KCTD1: variants seen among roughly 807,000 people sequenced by gnomAD.
KCTD1 encodes the protein BTB/POZ domain-containing protein KCTD1.
Under a neutral mutation model 66.0 loss-of-function variants are expected in KCTD1, and 24 were observed. That is an observed-to-expected ratio of 0.36 (90% CI 0.26 to 0.51). The LOEUF (loss-of-function observed/expected upper bound fraction) is 0.51. KCTD1 is among the 20% of genes least tolerant of loss of function. The pLI is 0.95. For synonymous variants in KCTD1, 511 were observed against 517.2 expected, an observed-to-expected ratio of 0.99 and a Z score of 0.16; for missense variants, 943 against 1,205.2, an observed-to-expected ratio of 0.78 and a Z score of 3.22.
At chr18:26,485,736 G>A (rs190788231) in intron 2 of KCTD1, among the ~76,000 whole-genome samples, 166 of 151,882 alleles carry the variant, frequency 1.1e-3, no homozygotes, top group African/African-American at 3.8e-3. Context: ...CACAGCCCAC[G>A]CCCACCCTCC....
chr18:26,519,806 A>G (rs1983827034), intron 1 of KCTD1, among the ~76,000 whole-genome samples: 1 of 152,258 alleles, frequency 6.6e-6, no homozygotes. Context: ...AGAAATTAGC[A>G]TATTTGAAAT....
chr18:26,656,289 C>A (rs1181675805), intron 1 of KCTD1, among the ~76,000 whole-genome samples: 9 of 152,188 alleles, frequency 5.9e-5, no homozygotes, highest in Non-Finnish European at 1.3e-4. Flanking sequence ...TTACCTGCAG[C>A]GCTCGCATCC....
Position 26,557,700 on chromosome 18 carries a change from C to T in KCTD1, c.-15-56450G>A, listed in dbSNP as rs189556616. Among the ~76,000 whole-genome samples the T allele has an allele frequency of 1.1e-4, 17 of 152,156 alleles. No homozygotes were observed. The East Asian group carries it at 2.5e-3, about 22-fold the overall frequency. ...ACATTAAGCAATAAAATAATTTCCT[C>T]TCTAGCAATCATTCTGGGGCGGTGA... is the stretch of plus-strand genomic sequence containing the variant. On this transcript the variant is annotated intron_variant, in intron 1 of 4. Coordinates refer to the KCTD1 transcript ENST00000317932.
At chr18:26,512,556 G>A (rs1983391349) in intron 1 of KCTD1, among the ~76,000 whole-genome samples, 1 of 152,158 alleles carries the variant, frequency 6.6e-6, no homozygotes, top group Non-Finnish European at 1.5e-5. Context: ...TTTAGAAAAT[G>A]TTGGCTGGTT....
chr18:26,576,971 A>C (rs1007542996), intron 1 of KCTD1, among the ~76,000 whole-genome samples: 5 of 152,200 alleles, frequency 3.3e-5, no homozygotes, highest in Non-Finnish European at 7.3e-5. Flanking sequence ...GCCTAGTTTT[A>C]GTACTTTTGG....
At chr18:26,529,125 C>T (rs1039862597) in intron 1 of KCTD1, among the ~76,000 whole-genome samples, 12 of 152,146 alleles carry the variant, frequency 7.9e-5, no homozygotes, top group Non-Finnish European at 1.3e-4. Flanking sequence ...GCCTCTTGTA[C>T]TCCCCTGCAG....
chr18:26,473,917 G>C (rs1981209251), intron 3 of KCTD1, among the ~76,000 whole-genome samples: 1 of 152,292 alleles, frequency 6.6e-6, no homozygotes, highest in South Asian at 2.1e-4. Context: ...ATGTGCACAT[G>C]ATGCAACTCC....
chr18:26,486,228 C>T (rs1288290569), intron 2 of KCTD1, among the ~76,000 whole-genome samples: 1 of 152,198 alleles, frequency 6.6e-6, no homozygotes, highest in Non-Finnish European at 1.5e-5. Context: ...AATCTTATTG[C>T]AGCTCTATAA....
chr18:26,627,280 G>C (rs1376983545), intron 1 of KCTD1, among the ~76,000 whole-genome samples: 1 of 151,408 alleles, frequency 6.6e-6, no homozygotes, highest in African/African-American at 2.4e-5. Context: ...GTGTGTGTGT[G>C]TGTGTGTGTG....
intron 2 of KCTD1, among the ~76,000 whole-genome samples, chr18:26,496,610 A>C (rs1598897006): frequency 6.6e-6 from 1 of 152,276 alleles, no homozygotes; most frequent in African/African-American, 2.4e-5. Context: ...TGAAAACTTT[A>C]GTCCCTTTAG....
intron 1 of KCTD1, among the ~76,000 whole-genome samples, chr18:26,538,389 A>G (rs1472127788): frequency 6.6e-6 from 1 of 152,124 alleles, no homozygotes; most frequent in Admixed American, 6.5e-5. Context: ...ATCCACACGG[A>G]TGGGCTTTTT....
chr18:26,606,715 T>A (rs970114865), intron 1 of KCTD1, among the ~76,000 whole-genome samples: 17 of 152,188 alleles, frequency 1.1e-4, no homozygotes, highest in Non-Finnish European at 2.1e-4. Flanking sequence ...CTGGCCGACC[T>A]CAGCTCTGTA....
At chr18:26,595,700 C>A (rs1986750267) in intron 1 of KCTD1, among the ~76,000 whole-genome samples, 1 of 152,158 alleles carries the variant, frequency 6.6e-6, no homozygotes, top group Non-Finnish European at 1.5e-5. Flanking sequence ...TTTAGGTAGA[C>A]CCTCTTCTAA....
At chr18:26,465,129 G>C (rs1458583383) in intron 3 of KCTD1, among the ~76,000 whole-genome samples, 1 of 152,136 alleles carries the variant, frequency 6.6e-6, no homozygotes, top group Non-Finnish European at 1.5e-5. Context: ...CCTTGTCCAG[G>C]CTGGAGTGCA....
At chr18:26,478,754 C>G (rs1981475485) in intron 2 of KCTD1, among the ~76,000 whole-genome samples, 3 of 152,066 alleles carry the variant, frequency 2.0e-5, no homozygotes, top group African/African-American at 7.2e-5. Flanking sequence ...ACTTCTCTGT[C>G]TCCATTTTTT....
chr18:26,511,598 A>G (rs965017725), intron 1 of KCTD1, among the ~76,000 whole-genome samples: 1 of 152,218 alleles, frequency 6.6e-6, no homozygotes, highest in East Asian at 1.9e-4. Flanking sequence ...CCTCTGCACA[A>G]TGTTAGGTAT....
intron 1 of KCTD1, among the ~76,000 whole-genome samples, chr18:26,638,382 C>T (rs1016977367): frequency 6.6e-6 from 1 of 152,010 alleles, no homozygotes; most frequent in South Asian, 2.1e-4. Flanking sequence ...AAAACTATTC[C>T]AGGCCTAAGC....
At chr18:26,514,339 G>A (rs991097944) in intron 1 of KCTD1, among the ~76,000 whole-genome samples, 8 of 151,972 alleles carry the variant, frequency 5.3e-5, no homozygotes, top group Non-Finnish European at 7.4e-5. Flanking sequence ...GGCTGCTTGC[G>A]GCCAGGAGTT....
intron 1 of KCTD1, among the ~76,000 whole-genome samples, chr18:26,521,987 A>G (rs1221062295): frequency 6.6e-6 from 1 of 152,126 alleles, no homozygotes; most frequent in African/African-American, 2.4e-5. Context: ...GGTGACTGGA[A>G]AAAAAAAGTA....
Sources: allele counts gnomAD v4.1 joint callset (sites outside exome capture counted in the v4.1 genomes callset), GRCh38; gene constraint gnomAD v4.1.1; transcripts MANE v1.5; gene names NCBI Gene and HGNC (gene_info 2026-07-23, HGNC 2026-07-21).